Variants in ZNF423 observed in about 807,000 individuals in gnomAD.
ZNF423 encodes Ebf-associated zinc finger protein.
A neutral mutation model predicts 95.8 loss-of-function variants in ZNF423; 12 were observed. That is an observed-to-expected ratio of 0.13 (90% CI 0.08 to 0.20). ZNF423 has a LOEUF of 0.20. ZNF423 is among the 10% of genes least tolerant of loss of function. The probability of loss-of-function intolerance (pLI) is 1.00; values close to 1 mark genes in which losing one functional copy is unlikely to be tolerated. For missense variants in ZNF423, 1,316 were observed against 1,737.1 expected (o/e 0.76, Z 4.31); for synonymous variants, 749 against 711.9 (o/e 1.05, Z -0.83).
At chr16:49,729,196 T>C (rs1361289736) in intron 3 of ZNF423, among the ~76,000 whole-genome samples, 1 of 152,228 alleles carries the variant, frequency 6.6e-6, no homozygotes, top group African/African-American at 2.4e-5. Flanking sequence ...TGGCCTATTC[T>C]CTTGCATTTA....
chr16:49,529,130 C>CT (rs34615288), intron 5 of ZNF423, among the ~76,000 whole-genome samples: 2,409 of 144,502 alleles, frequency 0.017, 65 homozygotes, highest in African/African-American at 0.056. Flanking sequence ...TTTTCTGTGC[C>CT]TTTTTTTTTT....
At chr16:49,572,676 G>A (rs2151789179) in intron 5 of ZNF423, among the ~76,000 whole-genome samples, 1 of 152,278 alleles carries the variant, frequency 6.6e-6, no homozygotes, top group Non-Finnish European at 1.5e-5. Context: ...TGCTTGTGGG[G>A]AGACCAGCTG....
At chr16:49,857,208 T>A (rs1367472041), upstream of ZNF423, among the ~76,000 whole-genome samples, 3 of 150,446 alleles carry the variant, frequency 2.0e-5, no homozygotes, top group African/African-American at 4.8e-5. The surrounding 1 kb of genome is among the most constrained non-coding windows in gnomAD (Gnocchi z 6.2). Context: ...CGCCCCGCAC[T>A]GCTCCGGCTC....
chr16:49,825,907 C>A lies in ZNF423; in HGVS notation c.40+29828G>T, dbSNP rs575790322. On this transcript the variant is annotated intron_variant, in intron 1 of 7. Transcript: ENST00000563137. ...CAGAAGAATGTACTAATAATAAAAT[C>A]TCTTGCTTATTGAAAAGGGCTGGCC... 3.3e-5 allele frequency among the ~76,000 whole-genome samples: 5 copies of A among 152,178 alleles called. No individual in the cohort carries two copies. The East Asian group carries it at 7.7e-4, about 23-fold the overall frequency.
Position 49,675,948 on chromosome 16 carries a change from G to A in ZNF423, c.302-37074C>T, listed in dbSNP as rs572290081. Among the ~76,000 whole-genome samples, 7 of 152,286 alleles carry A rather than the reference G, an allele frequency of 4.6e-5. No homozygotes were observed. The South Asian group carries it at 6.2e-4, about 14-fold the overall frequency. ...CTGTGCAGAGGTGTGCAACATCCACGCACACACGCACCTGCATACATATGC... is the reference window on the plus strand; with the variant it reads ...CTGTGCAGAGGTGTGCAACATCCACACACACACGCACCTGCATACATATGC... On this transcript the variant is annotated intron_variant, in intron 3 of 7. Coordinates refer to ENST00000563137, the MANE Select transcript of ZNF423 (RefSeq NM_001379286.1).
chr16:49,549,933 T>C (rs1597088819), intron 5 of ZNF423, among the ~76,000 whole-genome samples: 1 of 152,198 alleles, frequency 6.6e-6, no homozygotes, highest in East Asian at 1.9e-4. Context: ...AGTGCAGTGG[T>C]GCAATCACCG....
intron 4 of ZNF423, among the ~76,000 whole-genome samples, chr16:49,632,614 C>T (rs951720837): frequency 3.3e-5 from 5 of 152,122 alleles, no homozygotes; most frequent in Non-Finnish European, 7.4e-5. Flanking sequence ...AGTTTCAGTC[C>T]CTGCACAGCC....
At chr16:49,782,653 A>G (rs1227977110) in intron 2 of ZNF423, among the ~76,000 whole-genome samples, 4 of 152,146 alleles carry the variant, frequency 2.6e-5, no homozygotes, top group Admixed American at 6.5e-5. Flanking sequence ...ACTGTGTCCT[A>G]TCTCTGGCCC....
chr16:49,510,291 C>T (rs190070748), intron 7 of ZNF423, among the ~76,000 whole-genome samples: 24 of 152,316 alleles, frequency 1.6e-4, no homozygotes, highest in South Asian at 2.1e-4. Context: ...AATGAGTCAC[C>T]GTGAGGGAGG....
chr16:49,553,351 A>AT (rs1969707922), intron 5 of ZNF423, among the ~76,000 whole-genome samples: 1 of 151,892 alleles, frequency 6.6e-6, no homozygotes, highest in African/African-American at 2.4e-5. Flanking sequence ...CTTATATTTT[A>AT]TTTTTTTGAG....
intron 5 of ZNF423, among the ~76,000 whole-genome samples, chr16:49,552,741 A>C (rs534996135): frequency 1.4e-4 from 21 of 152,064 alleles, no homozygotes; most frequent in Non-Finnish European, 2.8e-4. Flanking sequence ...AAGAAGCAAA[A>C]GGCAAAAACC....
chr16:49,523,765 C>G lies in ZNF423; in HGVS notation c.3734-26G>C, dbSNP rs779078628. On this transcript the variant is annotated intron_variant, in intron 6 of 7. Coordinates refer to ENST00000563137, the MANE Select transcript of ZNF423 (RefSeq NM_001379286.1). ...CTAGACACAGACACGGCTGTCAGGG[C>G]CAAGCTCAGGACACCAGCCCAGCCT... is the stretch of plus-strand genomic sequence containing the variant. 4 of 1,600,688 alleles carry G rather than the reference C, an allele frequency of 2.5e-6. No individual in the cohort carries two copies. In the Admixed American group the frequency reaches 6.7e-5, roughly 27 times the overall value.
chr16:49,768,169 T>C (rs7403948), intron 2 of ZNF423, among the ~76,000 whole-genome samples: 108,934 of 152,166 alleles, frequency 0.72, 40,077 homozygotes, highest in African/African-American at 0.88. Context: ...GACTCTGCCG[T>C]GGACAGTCTG....
chr16:49,748,299 C>T (rs1050129838), intron 2 of ZNF423, among the ~76,000 whole-genome samples: 6 of 152,230 alleles, frequency 3.9e-5, no homozygotes, highest in African/African-American at 7.2e-5. Flanking sequence ...TGCTGGACAA[C>T]ACCAAGTTAG....
rs1203776260 is a variant in ZNF423 at position 49,489,645 on chromosome 16, T to C, written c.*1630A>G. 6.6e-6 allele frequency: 1 copy of C among 152,224 alleles called. No homozygotes were observed. Among genetic ancestry groups the C allele is most frequent in the African/African-American group, 2.4e-5 (1 of 41,454 alleles). 9.4% of individuals were successfully genotyped at this position (152,224 alleles called of 1,614,324 possible). ...GTCTTCTAGAAGATGATGGGTATAA[T>C]TGCTCCAAATTCCACACCCGTGACT... On this transcript the variant is annotated 3_prime_UTR_variant, in exon 8 of 8. Transcript: ENST00000563137.
intron 1 of ZNF423, among the ~76,000 whole-genome samples, chr16:49,799,989 C>T (rs2034557076): frequency 6.6e-6 from 1 of 152,140 alleles, no homozygotes; most frequent in South Asian, 2.1e-4. Context: ...CGTGGGAGCT[C>T]ACACCTATAA....
At chr16:49,767,023 T>C (rs558982589) in intron 2 of ZNF423, among the ~76,000 whole-genome samples, 56 of 151,950 alleles carry the variant, frequency 3.7e-4, no homozygotes, top group African/African-American at 1.3e-3. Context: ...CAAGCTGTAG[T>C]GCAGTGGTGC....
chr16:49,825,295 A>T (rs1472360105), intron 1 of ZNF423, among the ~76,000 whole-genome samples: 2 of 152,232 alleles, frequency 1.3e-5, no homozygotes, highest in East Asian at 3.8e-4. Flanking sequence ...AGATAGGGTC[A>T]GAACTCTGGG....
intron 1 of ZNF423, among the ~76,000 whole-genome samples, chr16:49,815,712 G>A: frequency 6.6e-6 from 1 of 151,454 alleles, no homozygotes; most frequent in South Asian, 2.1e-4. Context: ...ATAGGTACGA[G>A]GAACAGAGCA....
Sources: gnomAD v4.1 joint callset for allele counts (sites outside exome capture counted in the v4.1 genomes callset) on GRCh38, gnomAD v4.1.1 for gene constraint, Gnocchi (gnomAD v3.1) non-coding constraint, MANE v1.5 for transcripts, NCBI Gene and HGNC (gene_info 2026-07-23, HGNC 2026-07-21) for gene names.